NDRG2: variants seen among roughly 807,000 people sequenced by gnomAD.
NDRG2 encodes protein NDRG2.
A neutral mutation model predicts 58.2 loss-of-function variants in NDRG2; 34 were observed. That is an observed-to-expected ratio of 0.58 (90% CI 0.44 to 0.78). The LOEUF (loss-of-function observed/expected upper bound fraction) is 0.78. Ranked by LOEUF, NDRG2 falls within the 30% of genes least tolerant of loss-of-function variation. NDRG2 has a pLI of 0.00. For synonymous variants in NDRG2, 187 were observed against 175.9 expected (o/e 1.06, Z -0.50); for missense variants, 434 against 471.2 (o/e 0.92, Z 0.73).
intron 1 of NDRG2, 125 bp from the exon 2 acceptor site, chr14:21,023,446 C>G (rs117924642): frequency 0.033 from 25,343 of 777,126 alleles, 543 homozygotes; most frequent in South Asian, 0.052. Flanking sequence ...TTGAAGACTA[C>G]TCTAGAACAC....
intron 1 of NDRG2, among the ~76,000 whole-genome samples, chr14:21,062,964 A>G (rs897781728): frequency 2.6e-5 from 4 of 151,780 alleles, no homozygotes; most frequent in African/African-American, 9.7e-5. Context: ...AAAAAAAAAA[A>G]AAATTGTTTT....
chr14:21,030,413 T>A, upstream of NDRG2: 1 of 668,344 alleles, frequency 1.5e-6, no homozygotes, highest in East Asian at 2.8e-5. Context: ...GTAGGTGCAA[T>A]GGGAGCTGGG....
rs1369273633 is a variant in NDRG2, at chr14:21,070,554, C to G, written c.24+274G>C. 1.3e-5 allele frequency among the ~76,000 whole-genome samples: 2 copies of G among 152,098 alleles called. No individual in the cohort carries two copies. The highest frequency in any genetic ancestry group is 2.9e-5 in the Non-Finnish European group (2 of 67,990). ...TCCCATCCCCCCTTCTTCGATTTGT[C>G]TGTCTGCCCGACTGTTTAGCTCTGT... On this transcript the variant is annotated intron_variant, in intron 1 of 14. Transcript: ENST00000403829. The surrounding 1 kb of genome is among the most constrained non-coding windows in gnomAD (Gnocchi z 4.7).
chr14:21,046,006 T>C (rs1281271354), intron 1 of NDRG2, among the ~76,000 whole-genome samples: 1 of 152,230 alleles, frequency 6.6e-6, no homozygotes, highest in African/African-American at 2.4e-5. Flanking sequence ...AAAAGATTTG[T>C]GTATTTTATG....
At chr14:21,064,659 A>T (rs144482698) in intron 1 of NDRG2, among the ~76,000 whole-genome samples, 4 of 152,356 alleles carry the variant, frequency 2.6e-5, no homozygotes, top group Admixed American at 6.5e-5. Flanking sequence ...GCGTGGAAAT[A>T]TATACGGACA....
At chr14:21,045,260 A>C (rs1885093543) in intron 1 of NDRG2, among the ~76,000 whole-genome samples, 1 of 152,198 alleles carries the variant, frequency 6.6e-6, no homozygotes, top group African/African-American at 2.4e-5. Context: ...GAGGAGAGAA[A>C]GTAAGGAAAG....
Position 21,020,407 on chromosome 14 carries a change from C to T in NDRG2, c.555+89G>A, listed in dbSNP as rs1004293923. 26 of 1,004,648 alleles carry T rather than the reference C, an allele frequency of 2.6e-5. No individual in the cohort carries two copies. The East Asian group carries it at 4.3e-4, about 17-fold the overall frequency. The allele number at this position is 1,004,648 out of a possible 1,614,324, so 62.2% of individuals were successfully genotyped here. ...TTACTCCCTCCTTGAAGTTCAGAGTCCATCCAGTTAGGCTATCTACCAGAG... is the reference window on the plus strand; with the variant it reads ...TTACTCCCTCCTTGAAGTTCAGAGTTCATCCAGTTAGGCTATCTACCAGAG... On this transcript the variant is annotated intron_variant, in intron 8 of 15. Coordinates refer to ENST00000556147, the MANE Select transcript of NDRG2 (RefSeq NM_001320329.2).
intron 1 of NDRG2, among the ~76,000 whole-genome samples, chr14:21,050,688 T>C (rs566488849): frequency 6.6e-6 from 1 of 152,356 alleles, no homozygotes; most frequent in East Asian, 1.9e-4. Flanking sequence ...GTGTTTTATA[T>C]GCTATCTTTA....
chr14:21,043,233 G>A (rs771856849), intron 1 of NDRG2: 26 of 1,613,990 alleles, frequency 1.6e-5, no homozygotes, highest in East Asian at 1.3e-4. Flanking sequence ...CAGTGTGGCC[G>A]CCACCTGCCA....
chr14:21,054,164 G>A (rs1418573079), intron 1 of NDRG2, among the ~76,000 whole-genome samples: 2 of 152,190 alleles, frequency 1.3e-5, no homozygotes, highest in South Asian at 2.1e-4. Context: ...GGATCAGATC[G>A]AAGTGGCTCT....
chr14:21,052,197 G>A (rs1885497466), intron 1 of NDRG2, among the ~76,000 whole-genome samples: 1 of 152,236 alleles, frequency 6.6e-6, no homozygotes, highest in South Asian at 2.1e-4. Context: ...CGGTTACTGA[G>A]TGCTCCTGTG....
chr14:21,052,923 A>C (rs1030982614), intron 1 of NDRG2, among the ~76,000 whole-genome samples: 5 of 152,272 alleles, frequency 3.3e-5, no homozygotes, highest in African/African-American at 1.2e-4. Context: ...AGACTAAGTG[A>C]CTCAAGTGCC....
chr14:21,035,689 C>T (rs1884578968), intron 1 of NDRG2: 1 of 442,210 alleles, frequency 2.3e-6, no homozygotes, highest in South Asian at 1.6e-5. Context: ...TGGTGTTCCT[C>T]ATGTAGAGCC....
At chr14:21,050,572 A>T (rs745376727) in intron 1 of NDRG2, among the ~76,000 whole-genome samples, 1 of 152,262 alleles carries the variant, frequency 6.6e-6, no homozygotes, top group Non-Finnish European at 1.5e-5. Context: ...GCTAGTAACC[A>T]CAGAGGAAGA....
rs1222853775 is a variant in NDRG2, at chr14:21,070,399, G to T, written c.24+429C>A. On this transcript the variant is annotated intron_variant, in intron 1 of 14. Transcript: ENST00000403829. The surrounding 1 kb of genome is among the most constrained non-coding windows in gnomAD (Gnocchi z 4.7). ...CGGACGCGGCCCGGCGCCGAGCCAT[G>T]GTGAGTCCAGCGTCGCAGCCCCCTG... 1.4e-6 allele frequency: 2 copies of T among 1,417,410 alleles called. No individual in the cohort carries two copies. Among genetic ancestry groups the T allele is most frequent in the Non-Finnish European group, 1.8e-6 (2 of 1,094,508 alleles). 87.8% of individuals were successfully genotyped at this position (1,417,410 alleles called of 1,614,324 possible).
intron 1 of NDRG2, among the ~76,000 whole-genome samples, chr14:21,063,364 T>C (rs1285455612): frequency 6.6e-6 from 1 of 152,174 alleles, no homozygotes; most frequent in Non-Finnish European, 1.5e-5. Flanking sequence ...GAAGTGCAAA[T>C]ATCTATTGGC....
At chr14:21,031,816 T>A (rs1884192430) in intron 1 of NDRG2, 3 of 1,496,982 alleles carry the variant, frequency 2.0e-6, no homozygotes, top group Non-Finnish European at 2.7e-6. Flanking sequence ...GTTCTAAGTA[T>A]CTCGGGCCAT....
chr14:21,041,107 C>G (rs1377203346), intron 1 of NDRG2, among the ~76,000 whole-genome samples: 5 of 152,128 alleles, frequency 3.3e-5, no homozygotes, highest in African/African-American at 1.2e-4. Context: ...AATCCTCCCT[C>G]CTCAGCCTCT....
At chr14:21,025,697 C>A (rs1369485181), upstream of NDRG2, 1 of 985,318 alleles carries the variant, frequency 1.0e-6, no homozygotes, top group East Asian at 1.1e-4. The surrounding 1 kb of genome is among the most constrained non-coding windows in gnomAD (Gnocchi z 5.1). Context: ...TTTGCTGCGT[C>A]CCGACGCCTG....
Sources: allele counts gnomAD v4.1 joint callset (sites outside exome capture counted in the v4.1 genomes callset), GRCh38; gene constraint gnomAD v4.1.1; non-coding constraint Gnocchi (gnomAD v3.1); transcripts MANE v1.5; gene names NCBI Gene and HGNC (gene_info 2026-07-23, HGNC 2026-07-21).